CACNA2D3: variants seen among roughly 807,000 people sequenced by gnomAD.
CACNA2D3 encodes the protein calcium voltage-gated channel auxiliary subunit alpha2delta 3, also known as voltage-dependent calcium channel subunit alpha-2/delta-3.
Under a neutral mutation model 160.6 loss-of-function variants are expected in CACNA2D3, and 60 were observed. The observed-to-expected ratio is 0.37, with a 90% CI of 0.30 to 0.46. CACNA2D3 has a LOEUF of 0.46. Ranked by LOEUF, CACNA2D3 falls within the 20% of genes least tolerant of loss-of-function variation. The probability of loss-of-function intolerance (pLI) is 1.00; values close to 1 mark genes in which losing one functional copy is unlikely to be tolerated. For synonymous variants in CACNA2D3, 558 were observed against 492.9 expected (o/e 1.13, Z -1.75); for missense variants, 1,205 against 1,365.0 (o/e 0.88, Z 1.85).
At chr3:54,820,941 A>G (rs575355993) in intron 14 of CACNA2D3, among the ~76,000 whole-genome samples, 92 of 152,230 alleles carry the variant, frequency 6.0e-4, no homozygotes, top group African/African-American at 2.2e-3. Flanking sequence ...TCAGTTATTC[A>G]CTGCAGGATT....
intron 13 of CACNA2D3, among the ~76,000 whole-genome samples, chr3:54,779,358 C>T (rs185577838): frequency 1.3e-5 from 2 of 152,272 alleles, no homozygotes; most frequent in East Asian, 1.9e-4. Flanking sequence ...CTTGGCCTCC[C>T]GAAGTGCTGA....
At chr3:55,007,949 C>A in intron 33 of CACNA2D3, 107 bp downstream of exon 33, 5 of 685,432 alleles carry the variant, frequency 7.3e-6, no homozygotes, top group African/African-American at 1.9e-5. Context: ...CCATTAGATT[C>A]CTAGTACTCT....
chr3:54,808,288 A>G (rs911195004), intron 13 of CACNA2D3, among the ~76,000 whole-genome samples: 4 of 152,182 alleles, frequency 2.6e-5, no homozygotes, highest in African/African-American at 9.7e-5. Context: ...GCTGAAAGCC[A>G]TTAGAAGCTA....
In CACNA2D3 at chr3:54,464,442, C is replaced by A. The variant is rs6796892; in HGVS notation, c.382-39050C>A. Among the ~76,000 whole-genome samples, 615 of 152,152 alleles carry A rather than the reference C, an allele frequency of 4.0e-3. 5 individuals carry two copies. Among genetic ancestry groups the A allele is most frequent in the African/African-American group, 0.014 (584 of 41,534 alleles). On this transcript the variant is annotated intron_variant, in intron 4 of 37. Coordinates refer to ENST00000474759, the MANE Select transcript of CACNA2D3 (RefSeq NM_018398.3). ...TGGGCTCCACCCAGTTCGAGCTTCC[C>A]GGCTGCTTTGTTTCCCTAAGCAAGC... is the stretch of plus-strand genomic sequence containing the variant.
At chr3:54,495,283 T>A (rs1701185658) in intron 4 of CACNA2D3, among the ~76,000 whole-genome samples, 1 of 139,214 alleles carries the variant, frequency 7.2e-6, no homozygotes, top group Non-Finnish European at 1.5e-5. Flanking sequence ...TTGAGTTCTG[T>A]TTCTATAAAC....
At chr3:54,274,817 G>T (rs1251636437) in intron 2 of CACNA2D3, among the ~76,000 whole-genome samples, 2 of 152,236 alleles carry the variant, frequency 1.3e-5, no homozygotes, top group Non-Finnish European at 2.9e-5. Flanking sequence ...TGCCACGTGG[G>T]CCTCTCTGTT....
chr3:54,994,385 G>A (rs1262662180), intron 31 of CACNA2D3, among the ~76,000 whole-genome samples: 1 of 152,142 alleles, frequency 6.6e-6, no homozygotes, highest in African/African-American at 2.4e-5. Context: ...ATGGCTTCGT[G>A]GCTTCCTGCT....
intron 14 of CACNA2D3, among the ~76,000 whole-genome samples, chr3:54,822,789 TCC>T (rs376565191): frequency 1.4e-5 from 1 of 70,200 alleles, no homozygotes; most frequent in African/African-American, 6.0e-5. Context: ...TTTCTTTCTT[TCC>T]TTTCTTTCTT....
In CACNA2D3 at chr3:54,320,527, A is replaced by G. The variant is rs2107507758; in HGVS notation, c.290A>G (p.Glu97Gly). ...AAGAAGCTGGCAAAGAACATGGAAGAGATGTTTCACAAGAAGTCTGAGGCC... is the reference window on the plus strand; with the variant it reads ...AAGAAGCTGGCAAAGAACATGGAAGGGATGTTTCACAAGAAGTCTGAGGCC... ...LVKKLAKNME[E>G]MFHKKSEAVR... The change falls in exon 3 of 38, where the codon GAG becomes GGG. Residue 97 changes from glutamate (E) to glycine (G), a missense_variant. Around this residue, in one of 3 missense-constraint regions of CACNA2D3, gnomAD observed 163 missense variants for 161.3 expected, o/e 1.01. Coordinates refer to ENST00000474759, the MANE Select transcript of CACNA2D3 (RefSeq NM_018398.3). The G allele has an allele frequency of 6.4e-7, 1 of 1,566,284 alleles. No homozygotes were observed. The highest frequency in any genetic ancestry group is 2.4e-5 in the East Asian group (1 of 42,268).
intron 11 of CACNA2D3, among the ~76,000 whole-genome samples, chr3:54,748,282 A>G (rs1701793200): frequency 6.6e-6 from 1 of 152,174 alleles, no homozygotes; most frequent in Admixed American, 6.5e-5. Flanking sequence ...TTATCTTTAC[A>G]GACTATCTAT....
chr3:54,658,778 C>G (rs1699918130), intron 11 of CACNA2D3, among the ~76,000 whole-genome samples: 1 of 151,880 alleles, frequency 6.6e-6, no homozygotes, highest in Non-Finnish European at 1.5e-5. Flanking sequence ...AAGATCCCCC[C>G]AAACCTCCAC....
intron 2 of CACNA2D3, among the ~76,000 whole-genome samples, chr3:54,153,297 GC>G: frequency 6.6e-6 from 1 of 152,242 alleles, no homozygotes; most frequent in East Asian, 1.9e-4. Context: ...AATGTCAGCA[GC>G]CTGCCTGAAT....
At chr3:54,361,216 G>A (rs1160004909) in intron 3 of CACNA2D3, among the ~76,000 whole-genome samples, 1 of 151,414 alleles carries the variant, frequency 6.6e-6, no homozygotes, top group African/African-American at 2.4e-5. Flanking sequence ...TACCAGATAG[G>A]TGGTCATAAA....
chr3:54,977,134 T>C (rs1575418006), intron 29 of CACNA2D3, among the ~76,000 whole-genome samples: 1 of 152,176 alleles, frequency 6.6e-6, no homozygotes, highest in African/African-American at 2.4e-5. Flanking sequence ...TAGCACAATA[T>C]GAAATCCTTC....
rs375141756 is a variant in CACNA2D3, at chr3:54,657,606, G to C, written c.1167+15365G>C. 7.9e-5 allele frequency among the ~76,000 whole-genome samples: 12 copies of C among 152,226 alleles called. 1 individual carries two copies. Among genetic ancestry groups the C allele is most frequent in the African/African-American group, 2.9e-4 (12 of 41,526 alleles). On this transcript the variant is annotated intron_variant, in intron 11 of 37. Coordinates refer to ENST00000474759, the MANE Select transcript of CACNA2D3 (RefSeq NM_018398.3). ...TACCTCTGACTATTTTAGATGCCAGGTAGATGAGAAATTCATCACAGTATT... is the reference window on the plus strand; with the variant it reads ...TACCTCTGACTATTTTAGATGCCAGCTAGATGAGAAATTCATCACAGTATT...
intron 5 of CACNA2D3, among the ~76,000 whole-genome samples, chr3:54,561,457 G>T (rs1702323950): frequency 6.6e-6 from 1 of 152,162 alleles, no homozygotes; most frequent in Non-Finnish European, 1.5e-5. Flanking sequence ...AATCGTTTAT[G>T]AGCTTAAGAA....
At chr3:54,437,974 A>G (rs767771949) in intron 4 of CACNA2D3, among the ~76,000 whole-genome samples, 1 of 152,188 alleles carries the variant, frequency 6.6e-6, no homozygotes, top group Non-Finnish European at 1.5e-5. Flanking sequence ...AGGATGATGC[A>G]TAGATAGAGA....
chr3:54,669,266 G>GT (rs1249590519), intron 11 of CACNA2D3, among the ~76,000 whole-genome samples: 20 of 152,280 alleles, frequency 1.3e-4, no homozygotes, highest in African/African-American at 4.3e-4. Context: ...TCAGTCCTGG[G>GT]TTGGGGCCAT....
intron 2 of CACNA2D3, among the ~76,000 whole-genome samples, chr3:54,228,248 A>T (rs1337310487): frequency 1.3e-5 from 2 of 152,196 alleles, no homozygotes. Flanking sequence ...GGCTTCCTTC[A>T]CAGGATGGTA....
Sources: allele counts gnomAD v4.1 joint callset (sites outside exome capture counted in the v4.1 genomes callset), GRCh38; gene constraint gnomAD v4.1.1; regional missense constraint gnomAD v4.1.1; transcripts MANE v1.5; gene names NCBI Gene and HGNC (gene_info 2026-07-23, HGNC 2026-07-21).